The following CD36 variants were observed in gnomAD, a reference collection of about 807,000 sequenced individuals.
The protein encoded by CD36 is CD36 molecule (CD36 blood group).
In CD36, 119 loss-of-function variants were observed where a neutral mutation model predicts 55.2. The ratio of observed to expected loss-of-function variants is 2.15; its 90% CI spans 1.86 to 2.51. The LOEUF (loss-of-function observed/expected upper bound fraction) is 2.51. CD36 is among the 30% of genes most tolerant of loss of function. The probability of loss-of-function intolerance (pLI) is 0.00; values close to 1 mark genes in which losing one functional copy is unlikely to be tolerated. For missense variants in CD36, 819 were observed against 555.5 expected, an observed-to-expected ratio of 1.47 and a Z score of -4.77; for synonymous variants, 186 against 193.6, an observed-to-expected ratio of 0.96 and a Z score of 0.33.
intron 1 of CD36, chr7:80,623,953 G>C (rs1584301066): frequency 6.6e-6 from 1 of 152,136 alleles, no homozygotes; most frequent in East Asian, 1.9e-4. Context: ...ACAAACACTG[G>C]CTGCAAGATT....
intron 4 of CD36, among the ~76,000 whole-genome samples, chr7:80,658,463 G>T (rs1336307763): frequency 4.6e-5 from 7 of 151,828 alleles, no homozygotes; most frequent in Admixed American, 4.6e-4. Context: ...TTGTTTGTTT[G>T]GGGGAAGTTA....
chr7:80,661,824 C>T (rs1358213257), intron 5 of CD36, among the ~76,000 whole-genome samples: 2 of 152,136 alleles, frequency 1.3e-5, no homozygotes, highest in Non-Finnish European at 2.9e-5. Flanking sequence ...TTGATGGTGT[C>T]TATTGTTTGG....
At chr7:80,618,061 GT>G (rs923717322) in intron 1 of CD36, among the ~76,000 whole-genome samples, 6 of 151,708 alleles carry the variant, frequency 4.0e-5, no homozygotes, top group South Asian at 2.1e-4. Flanking sequence ...AATGCTTTTG[GT>G]TTTTTTTACA....
intron 2 of CD36, chr7:80,646,409 A>G: frequency 2.9e-6 from 1 of 339,608 alleles, no homozygotes; most frequent in South Asian, 2.6e-5. Flanking sequence ...ATGTGTAGAA[A>G]GAAAATTAAA....
At chr7:80,659,373 G>T (rs753765322) in intron 4 of CD36, among the ~76,000 whole-genome samples, 12 of 152,134 alleles carry the variant, frequency 7.9e-5, no homozygotes, top group Admixed American at 5.9e-4. Context: ...TGCTTGGGTT[G>T]AGATCTTATG....
chr7:80,665,845 C>CAGAT (rs1346803746), intron 7 of CD36: 3 of 152,156 alleles, frequency 2.0e-5, no homozygotes, highest in Admixed American at 6.5e-5. Context: ...TTATCACTTC[C>CAGAT]AGATATATAT....
At chr7:80,605,171 C>T (rs1412075292) in intron 1 of CD36, among the ~76,000 whole-genome samples, 2 of 152,084 alleles carry the variant, frequency 1.3e-5, no homozygotes, top group Admixed American at 1.3e-4. Context: ...CATGAAATAC[C>T]TATTTTGTTT....
chr7:80,646,884 C>G (rs140457847), intron 3 of CD36, 24 bp downstream of exon 3: 6 of 1,612,578 alleles, frequency 3.7e-6, no homozygotes, highest in South Asian at 1.1e-5. Context: ...AAAGAATATG[C>G]CTTCTCATTT....
intron 1 of CD36, among the ~76,000 whole-genome samples, chr7:80,616,542 A>G (rs1016008074): frequency 1.3e-5 from 2 of 152,024 alleles, no homozygotes; most frequent in Non-Finnish European, 2.9e-5. Context: ...TGATTTCTCT[A>G]GAGGAAAGTT....
At chr7:80,630,858 C>T (rs1794036260) in intron 1 of CD36, among the ~76,000 whole-genome samples, 2 of 152,032 alleles carry the variant, frequency 1.3e-5, no homozygotes, top group South Asian at 4.1e-4. Flanking sequence ...AGAGTATTCA[C>T]TCTGAACACG....
At chr7:80,627,893 T>C (rs1482749385) in intron 1 of CD36, among the ~76,000 whole-genome samples, 1 of 152,020 alleles carries the variant, frequency 6.6e-6, no homozygotes, top group Non-Finnish European at 1.5e-5. Flanking sequence ...TTATAGTTAA[T>C]AAATACCTGT....
At chr7:80,674,285 GTAAA>G (rs1245980430) in intron 14 of CD36, 138 bp downstream of exon 14, 1 of 637,782 alleles carries the variant, frequency 1.6e-6, no homozygotes, top group Non-Finnish European at 2.8e-6. Context: ...TTAAATATAG[GTAAA>G]TAAACCTATA....
chr7:80,647,435 G>GA (rs1294154492), intron 3 of CD36, among the ~76,000 whole-genome samples: 2 of 152,008 alleles, frequency 1.3e-5, no homozygotes, highest in Non-Finnish European at 2.9e-5. Context: ...TGGAATCTTA[G>GA]AAAATACTTT....
intron 1 of CD36, among the ~76,000 whole-genome samples, chr7:80,625,804 T>C (rs2115978292): frequency 6.6e-6 from 1 of 152,288 alleles, no homozygotes; most frequent in Middle Eastern, 3.4e-3. Flanking sequence ...TGACTGTCTC[T>C]AAAGAATTGG....
intron 1 of CD36, among the ~76,000 whole-genome samples, chr7:80,608,444 C>T (rs1792687866): frequency 6.6e-6 from 1 of 152,134 alleles, no homozygotes. Context: ...ATCTGTAACA[C>T]ATGGATAATA....
chr7:80,638,021 G>A (rs572787455), upstream of CD36, among the ~76,000 whole-genome samples: 1 of 151,678 alleles, frequency 6.6e-6, no homozygotes, highest in East Asian at 1.9e-4. Context: ...TAGGAGCACT[G>A]TGCTGTGATC....
In CD36 at chr7:80,649,944, A is replaced by T. The variant is rs574706673; in HGVS notation, c.120+3084A>T. Among the ~76,000 whole-genome samples the T allele has an allele frequency of 1.7e-3, 252 of 152,224 alleles. 4 individuals carry two copies. The highest frequency in any genetic ancestry group is 5.4e-3 in the South Asian group (26 of 4,830). On this transcript the variant is annotated intron_variant, in intron 3 of 14. Coordinates refer to ENST00000447544, the MANE Select transcript of CD36 (RefSeq NM_001001548.3). ...ATAAAATGTTCTCAGGCAGATGAAA[A>T]TTAAGAAAATAATGATTAGAACATG...
At chr7:80,639,276 A>G (rs998323253) in intron 1 of CD36, among the ~76,000 whole-genome samples, 2 of 151,976 alleles carry the variant, frequency 1.3e-5, no homozygotes, top group Admixed American at 6.6e-5. Context: ...ATCAAATGCA[A>G]TGTGTATTTT....
chr7:80,649,568 C>G (rs1795441613), intron 3 of CD36, among the ~76,000 whole-genome samples: 1 of 151,838 alleles, frequency 6.6e-6, no homozygotes, highest in Non-Finnish European at 1.5e-5. Context: ...GTAAAAGCAT[C>G]AAACTCAAGA....
Sources: gnomAD v4.1 joint callset for allele counts (sites outside exome capture counted in the v4.1 genomes callset) on GRCh38, gnomAD v4.1.1 for gene constraint, MANE v1.5 for transcripts, NCBI Gene and HGNC (gene_info 2026-07-23, HGNC 2026-07-21) for gene names.